PPP1R16B: variants seen among roughly 807,000 people sequenced by gnomAD.
PPP1R16B encodes protein phosphatase 1 regulatory inhibitor subunit 16B.
Under a neutral mutation model 61.7 loss-of-function variants are expected in PPP1R16B, and 14 were observed. The observed-to-expected ratio is 0.23, with a 90% confidence interval of 0.15 to 0.35. The LOEUF is 0.35. PPP1R16B is among the 10% of genes least tolerant of loss of function. The pLI, the probability that PPP1R16B is intolerant of heterozygous loss-of-function variation, is 1.00. For missense variants in PPP1R16B, 547 were observed against 752.5 expected (o/e 0.73, Z 3.19); for synonymous variants, 266 against 305.3 (o/e 0.87, Z 1.34).
chr20:38,921,711 G>A lies in PPP1R16B; in HGVS notation c.*3045G>A, dbSNP rs1478350197. 1 of 152,248 alleles carries A rather than the reference G, an allele frequency of 6.6e-6. No homozygotes were observed. Among genetic ancestry groups the A allele is most frequent in the Non-Finnish European group, 1.5e-5 (1 of 68,048 alleles). The allele number at this position is 152,248 out of a possible 1,614,324, so 9.4% of individuals were successfully genotyped here. On this transcript the variant is annotated 3_prime_UTR_variant, in exon 11 of 11. Transcript: ENST00000299824. The stretch of plus-strand genomic sequence containing the variant: ...TCTATAATAGCAGCTTGAGATCAGT[G>A]TCTAGAAGACTGTTCTGCAATTTGC...
rs949423907 is a variant in PPP1R16B, at chr20:38,922,547, A to G, written c.*3881A>G. On this transcript the variant is annotated 3_prime_UTR_variant, in exon 11 of 11. Coordinates refer to ENST00000299824, the MANE Select transcript of PPP1R16B (RefSeq NM_015568.4). The stretch of plus-strand genomic sequence containing the variant: ...GCCAGAAGCTATAGCCCTCTCCCCA[A>G]CAGGTCTCTCTTGTTGGCCAGAGGG... The G allele has an allele frequency of 1.3e-5, 2 of 152,526 alleles. No individual in the cohort carries two copies. The highest frequency in any genetic ancestry group is 2.4e-5 in the African/African-American group (1 of 41,434). The allele number at this position is 152,526 out of a possible 1,614,324, so 9.4% of individuals were successfully genotyped here.
At chr20:38,830,732 A>G (rs1039014404) in intron 1 of PPP1R16B, among the ~76,000 whole-genome samples, 1 of 152,204 alleles carries the variant, frequency 6.6e-6, no homozygotes, top group South Asian at 2.1e-4. Context: ...TGAAAAGCCT[A>G]TATACCCTGC....
intron 1 of PPP1R16B, among the ~76,000 whole-genome samples, chr20:38,810,000 A>C (rs1350949765): frequency 1.1e-4 from 16 of 151,550 alleles, no homozygotes; most frequent in African/African-American, 3.2e-4. Context: ...AAAAAAAAAA[A>C]AAAAAACAAA....
rs1183786508 is a variant in PPP1R16B, at chr20:38,907,902, T to G, written c.995T>G (p.Leu332Trp). ...MKSQLRHKSS[L>W]SRRTSSAGSR... ...TCACAGCTGAGGCACAAGTCATCCT[T>G]GAGCCGGAGGACCTCCAGCGCAGGC... Residue 332 changes from leucine (L) to tryptophan (W), a missense_variant, in exon 9 of 11, where the codon TTG becomes TGG. Leu to Trp is a moderately conservative substitution (Grantham distance 61). Transcript: ENST00000299824. This position sits in a 1 kb window ranked among gnomAD's most constrained non-coding sequence, Gnocchi z 4.5. 3.7e-6 allele frequency: 6 copies of G among 1,614,100 alleles called. No individual in the cohort carries two copies. Among genetic ancestry groups the G allele is most frequent in the Non-Finnish European group, 5.1e-6 (6 of 1,180,046 alleles).
intron 3 of PPP1R16B, among the ~76,000 whole-genome samples, chr20:38,890,136 C>T (rs1018041376): frequency 2.0e-5 from 3 of 152,210 alleles, no homozygotes; most frequent in African/African-American, 7.2e-5. Flanking sequence ...GGGTCCAGCC[C>T]TCCCTGCTGG....
chr20:38,871,211 G>GC (rs1392669919), intron 2 of PPP1R16B, among the ~76,000 whole-genome samples: 1 of 152,050 alleles, frequency 6.6e-6, no homozygotes, highest in Non-Finnish European at 1.5e-5. Context: ...CAGAGTCCTG[G>GC]CCCCAGTACC....
In PPP1R16B at chr20:38,810,229, T is replaced by C. The variant is rs2084691716; in HGVS notation, c.-102+4437T>C. Among the ~76,000 whole-genome samples the C allele has an allele frequency of 2.0e-5, 3 of 152,128 alleles. No individual in the cohort carries two copies. In the East Asian group the frequency reaches 5.8e-4, roughly 29 times the overall value. On this transcript the variant is annotated intron_variant, in intron 1 of 10. Transcript: ENST00000299824. ...ACCGAGGCTTAAAAGTGCTGGATGT[T>C]TTTGGAGAGCAGTGGGAGGAGTTGC...
chr20:38,857,867 G>A (rs2145734586), intron 2 of PPP1R16B, among the ~76,000 whole-genome samples: 1 of 151,208 alleles, frequency 6.6e-6, no homozygotes, highest in African/African-American at 2.4e-5. Context: ...GACATGGCTT[G>A]AGAACTTCAG....
At chr20:38,900,518 A>C (rs897676894) in intron 4 of PPP1R16B, 63 bp from the exon 5 acceptor site, 12 of 1,326,788 alleles carry the variant, frequency 9.0e-6, no homozygotes, top group Admixed American at 4.3e-5. Context: ...GCCAGAGGGC[A>C]GAGGCAGCTA....
At chr20:38,827,647 A>T (rs984986470) in intron 1 of PPP1R16B, among the ~76,000 whole-genome samples, 2 of 152,236 alleles carry the variant, frequency 1.3e-5, no homozygotes, top group Non-Finnish European at 2.9e-5. Context: ...TAGAAGGTTC[A>T]TCCTAGCAGG....
chr20:38,877,508 C>T (rs912158407), intron 2 of PPP1R16B, among the ~76,000 whole-genome samples: 12 of 151,970 alleles, frequency 7.9e-5, no homozygotes, highest in African/African-American at 2.7e-4. Flanking sequence ...GATGGGGTTT[C>T]ACCATGTTGG....
At chr20:38,832,277 T>G (rs1036292029) in intron 1 of PPP1R16B, among the ~76,000 whole-genome samples, 5 of 152,198 alleles carry the variant, frequency 3.3e-5, no homozygotes, top group Non-Finnish European at 5.9e-5. Flanking sequence ...TGAGATAAAT[T>G]GACAGACAGA....
intron 10 of PPP1R16B, among the ~76,000 whole-genome samples, chr20:38,910,268 A>C (rs2085477748): frequency 6.6e-6 from 1 of 152,226 alleles, no homozygotes; most frequent in Non-Finnish European, 1.5e-5. Flanking sequence ...GGTGTGAGCC[A>C]CCATGCCTGG....
intron 1 of PPP1R16B, among the ~76,000 whole-genome samples, chr20:38,816,347 A>G (rs777454146): frequency 2.6e-5 from 4 of 152,170 alleles, no homozygotes; most frequent in Non-Finnish European, 5.9e-5. Context: ...AAAATCAGCA[A>G]CCTTGAAGCT....
Position 38,907,198 on chromosome 20 carries a change from G to C in PPP1R16B, c.898+144G>C, listed in dbSNP as rs2085450728. On this transcript the variant is annotated intron_variant, in intron 8 of 10. Transcript: ENST00000299824. This position sits in a 1 kb window ranked among gnomAD's most constrained non-coding sequence, Gnocchi z 4.5. ...TAGATGGATTAATTAATGGATGGTA[G>C]ATGAATGGACGGATGGACAGATTAA... 1.5e-6 allele frequency: 1 copy of C among 677,836 alleles called. No homozygotes were observed. Among genetic ancestry groups the C allele is most frequent in the Non-Finnish European group, 2.6e-6 (1 of 386,634 alleles). The allele number at this position is 677,836 out of a possible 1,614,324, so 42.0% of individuals were successfully genotyped here.
At chr20:38,813,842 G>A (rs2084718171) in intron 1 of PPP1R16B, among the ~76,000 whole-genome samples, 1 of 150,876 alleles carries the variant, frequency 6.6e-6, no homozygotes, top group Non-Finnish European at 1.5e-5. Flanking sequence ...TGTCGTCCAG[G>A]CTGGAGGGCA....
intron 2 of PPP1R16B, among the ~76,000 whole-genome samples, chr20:38,838,992 A>G (rs1298557936): frequency 1.3e-5 from 2 of 152,210 alleles, no homozygotes; most frequent in Non-Finnish European, 2.9e-5. Flanking sequence ...CAGTGGCACA[A>G]TCTTGGCTCA....
At chr20:38,835,119 G>A (rs1360588754) in intron 1 of PPP1R16B, among the ~76,000 whole-genome samples, 2 of 152,162 alleles carry the variant, frequency 1.3e-5, no homozygotes, top group Admixed American at 6.5e-5. Flanking sequence ...TTCCCTATGG[G>A]GTTCCCAGAC....
rs560220061 is a variant in PPP1R16B at position 38,920,739 on chromosome 20, G to T, written c.*2073G>T. 10 of 152,464 alleles carry T rather than the reference G, an allele frequency of 6.6e-5. No individual in the cohort carries two copies. The highest frequency in any genetic ancestry group is 2.4e-4 in the African/African-American group (10 of 41,576). 9.4% of individuals were successfully genotyped at this position (152,464 alleles called of 1,614,324 possible). A position where few individuals can be genotyped will look rare whatever the true frequency, so the allele number is the denominator to read the frequency against. ...GATGTATTCTAGAGTAGGGGTGGAGGCGGCCCAGGAGGCTGAAGACAGGTG... is the reference window on the plus strand; with the variant it reads ...GATGTATTCTAGAGTAGGGGTGGAGTCGGCCCAGGAGGCTGAAGACAGGTG... On this transcript the variant is annotated 3_prime_UTR_variant, in exon 11 of 11. Coordinates refer to ENST00000299824, the MANE Select transcript of PPP1R16B (RefSeq NM_015568.4).
Sources: allele counts gnomAD v4.1 joint callset (sites outside exome capture counted in the v4.1 genomes callset), GRCh38; gene constraint gnomAD v4.1.1; non-coding constraint Gnocchi (gnomAD v3.1); transcripts MANE v1.5; gene names NCBI Gene and HGNC (gene_info 2026-07-23, HGNC 2026-07-21).